Variants in RAVER2 observed in about 807,000 individuals in gnomAD.
RAVER2 encodes ribonucleoprotein PTB-binding 2.
A neutral mutation model predicts 78.1 loss-of-function variants in RAVER2; 46 were observed. The ratio of observed to expected loss-of-function variants is 0.59; its 90% CI spans 0.46 to 0.75. The LOEUF (loss-of-function observed/expected upper bound fraction) is 0.75, where lower values mean the gene tolerates loss of function less well. Among genes scored for constraint, RAVER2 ranks in the 30% least tolerant of loss-of-function variants. The pLI is 0.00. For missense variants in RAVER2, 793 were observed against 837.5 expected (o/e 0.95, Z 0.66); for synonymous variants, 311 against 313.3 (o/e 0.99, Z 0.08).
intron 2 of RAVER2, among the ~76,000 whole-genome samples, chr1:64,769,653 C>T (rs1310668994): frequency 6.6e-6 from 1 of 152,036 alleles, no homozygotes; most frequent in Non-Finnish European, 1.5e-5. Flanking sequence ...TTCCTGCTCA[C>T]ACTTCCCTGT....
exon 12 of RAVER2, chr1:64,832,480 A>C (rs1433597396): frequency 6.6e-6 from 1 of 152,538 alleles, no homozygotes; most frequent in Non-Finnish European, 1.5e-5. Flanking sequence ...TTATGTTATA[A>C]GACTGTAATT....
At chr1:64,814,314 G>A (rs1287551476) in intron 10 of RAVER2, among the ~76,000 whole-genome samples, 1 of 150,942 alleles carries the variant, frequency 6.6e-6, no homozygotes, top group African/African-American at 2.4e-5. Flanking sequence ...TGTCACCTAA[G>A]CCAATCTCGA....
intron 4 of RAVER2, among the ~76,000 whole-genome samples, chr1:64,787,098 G>T (rs1429825425): frequency 2.0e-5 from 3 of 152,072 alleles, no homozygotes; most frequent in Non-Finnish European, 4.4e-5. Context: ...AAAACTGCTT[G>T]TCCTTCATGT....
chr1:64,828,292 G>A (rs981872597), intron 11 of RAVER2, among the ~76,000 whole-genome samples: 2 of 152,038 alleles, frequency 1.3e-5, no homozygotes, highest in East Asian at 1.9e-4. Context: ...CCTAGGATAT[G>A]AGCTGTGGGA....
intron 5 of RAVER2, among the ~76,000 whole-genome samples, chr1:64,791,478 C>G (rs1652940461): frequency 6.6e-6 from 1 of 152,182 alleles, no homozygotes; most frequent in South Asian, 2.1e-4. Context: ...ATCAAAGACA[C>G]TCCTGTAACT....
intron 2 of RAVER2, among the ~76,000 whole-genome samples, chr1:64,770,059 G>A (rs1425330572): frequency 2.0e-5 from 3 of 151,862 alleles, no homozygotes; most frequent in Admixed American, 6.6e-5. Flanking sequence ...AATTTATTAC[G>A]ATTAATGTAT....
At chr1:64,772,958 T>C (rs1652360057) in intron 2 of RAVER2, among the ~76,000 whole-genome samples, 1 of 152,160 alleles carries the variant, frequency 6.6e-6, no homozygotes, top group African/African-American at 2.4e-5. Flanking sequence ...ATTAAACTTC[T>C]GTTTTTTAGA....
At chr1:64,779,707 G>A (rs538412073) in intron 3 of RAVER2, among the ~76,000 whole-genome samples, 63 of 151,600 alleles carry the variant, frequency 4.2e-4, no homozygotes, top group African/African-American at 1.5e-3. Flanking sequence ...GTCATCCTGT[G>A]GCCTTTATTT....
chr1:64,761,942 C>G (rs1652034735), intron 1 of RAVER2, among the ~76,000 whole-genome samples: 1 of 149,120 alleles, frequency 6.7e-6, no homozygotes, highest in Non-Finnish European at 1.5e-5. Flanking sequence ...AAAACCCTGT[C>G]TCTACCAAAA....
intron 10 of RAVER2, among the ~76,000 whole-genome samples, chr1:64,813,201 C>T (rs1653667978): frequency 6.6e-6 from 1 of 152,200 alleles, no homozygotes; most frequent in Non-Finnish European, 1.5e-5. Context: ...CTCAAGCCTT[C>T]AATTACTATA....
intron 2 of RAVER2, among the ~76,000 whole-genome samples, chr1:64,770,714 G>A (rs1652292693): frequency 6.6e-6 from 1 of 151,942 alleles, no homozygotes; most frequent in Admixed American, 6.6e-5. Context: ...TTATAGTAAA[G>A]ATTGAACATG....
At chr1:64,750,895 T>C (rs537702999) in intron 1 of RAVER2, among the ~76,000 whole-genome samples, 177 of 152,370 alleles carry the variant, frequency 1.2e-3, no homozygotes, top group Non-Finnish European at 2.0e-3. Context: ...TGTTTTGTTA[T>C]CCTATTCTCA....
chr1:64,752,416 A>G (rs997424213), intron 1 of RAVER2, among the ~76,000 whole-genome samples: 2 of 152,188 alleles, frequency 1.3e-5, no homozygotes, highest in African/African-American at 4.8e-5. Flanking sequence ...GGAGGAGTAC[A>G]GGAATGTTGC....
chr1:64,801,519 C>A (rs929603918), intron 5 of RAVER2, among the ~76,000 whole-genome samples: 3 of 115,392 alleles, frequency 2.6e-5, no homozygotes, highest in Admixed American at 2.5e-4. Context: ...AAACATCCTC[C>A]CTTTTTTTTT....
intron 4 of RAVER2, among the ~76,000 whole-genome samples, chr1:64,786,720 G>A (rs915084258): frequency 4.1e-4 from 62 of 150,934 alleles, no homozygotes; most frequent in African/African-American, 1.5e-3. Context: ...TTGAACCCAG[G>A]AAGCAGAGAT....
intron 5 of RAVER2, among the ~76,000 whole-genome samples, chr1:64,797,472 T>A (rs968319336): frequency 3.3e-5 from 5 of 152,226 alleles, no homozygotes; most frequent in African/African-American, 1.2e-4. Flanking sequence ...TTTCAGTTTT[T>A]TATAATAAAA....
intron 4 of RAVER2, among the ~76,000 whole-genome samples, chr1:64,785,644 C>T (rs1652759274): frequency 6.6e-6 from 1 of 152,146 alleles, no homozygotes; most frequent in Non-Finnish European, 1.5e-5. Context: ...GCTGGGATTA[C>T]AGGAGTGAGC....
At chr1:64,776,299 A>AT (rs1050246714) in intron 2 of RAVER2, among the ~76,000 whole-genome samples, 10 of 152,144 alleles carry the variant, frequency 6.6e-5, no homozygotes, top group Non-Finnish European at 1.5e-4. Context: ...CAGTAAAGCC[A>AT]TTTTTTCTCA....
intron 9 of RAVER2, among the ~76,000 whole-genome samples, chr1:64,810,143 G>A (rs1479840790): frequency 2.6e-5 from 4 of 152,210 alleles, no homozygotes; most frequent in Admixed American, 6.5e-5. Flanking sequence ...ATTTTTGTTG[G>A]AACTGTCATC....
Sources: gnomAD v4.1 joint callset for allele counts (sites outside exome capture counted in the v4.1 genomes callset) on GRCh38, gnomAD v4.1.1 for gene constraint, MANE v1.5 for transcripts, NCBI Gene and HGNC (gene_info 2026-07-23, HGNC 2026-07-21) for gene names.